The following FHIT variants were observed in gnomAD, a reference collection of about 807,000 sequenced individuals.
FHIT encodes bis(5'-adenosyl)-triphosphatase.
A neutral mutation model predicts 17.9 loss-of-function variants in FHIT; 19 were observed. The observed-to-expected ratio is 1.06, with a 90% CI of 0.74 to 1.56. The LOEUF is 1.56. Among genes scored for constraint, FHIT ranks in the 40% most tolerant of loss-of-function variants. FHIT has a pLI of 0.00. For missense variants in FHIT, 248 were observed against 189.2 expected (o/e 1.31, Z -1.82); for synonymous variants, 81 against 69.7 (o/e 1.16, Z -0.81).
At chr3:61,148,974 G>T (rs974510029) in intron 2 of FHIT, among the ~76,000 whole-genome samples, 3 of 152,190 alleles carry the variant, frequency 2.0e-5, no homozygotes, top group Non-Finnish European at 1.5e-5. Context: ...ACAATGGAAA[G>T]ATTCTCAAAG....
intron 4 of FHIT, among the ~76,000 whole-genome samples, chr3:60,675,966 A>G (rs1553695280): frequency 6.6e-6 from 1 of 152,220 alleles, no homozygotes; most frequent in Non-Finnish European, 1.5e-5. Flanking sequence ...GCAAAATACA[A>G]TGCCTGGCTA....
intron 5 of FHIT, among the ~76,000 whole-genome samples, chr3:60,509,476 T>G (rs1170931743): frequency 6.6e-6 from 1 of 152,222 alleles, no homozygotes; most frequent in African/African-American, 2.4e-5. Flanking sequence ...TTAGACTGAA[T>G]CCACATTCAT....
intron 5 of FHIT, among the ~76,000 whole-genome samples, chr3:60,164,132 C>T (rs553609885): frequency 6.6e-6 from 1 of 152,130 alleles, no homozygotes; most frequent in Non-Finnish European, 1.5e-5. Flanking sequence ...TAGTGGAAGA[C>T]TGCTGAAGCT....
intron 3 of FHIT, among the ~76,000 whole-genome samples, chr3:60,853,689 G>A (rs889875121): frequency 7.2e-5 from 11 of 152,082 alleles, no homozygotes; most frequent in African/African-American, 2.7e-4. Flanking sequence ...CTGACTTAAT[G>A]GCAGTTGTGA....
rs1245571252 is a variant in FHIT at position 61,225,341 on chromosome 3, T to A, written c.-212-24676A>T. The stretch of plus-strand genomic sequence containing the variant: ...GCCTCATAGAGAAAAATATATATAT[T>A]TTTTTGAAAGTTGGGAAGAAAAATG... On this transcript the variant is annotated intron_variant, in intron 1 of 9. Transcript: ENST00000492590. Among the ~76,000 whole-genome samples, 18 of 152,324 alleles carry A rather than the reference T, an allele frequency of 1.2e-4. No individual in the cohort carries two copies. In the South Asian group the frequency reaches 1.9e-3, roughly 16 times the overall value.
chr3:59,845,922 C>T (rs1264791085), intron 8 of FHIT, among the ~76,000 whole-genome samples: 1 of 152,134 alleles, frequency 6.6e-6, no homozygotes, highest in African/African-American at 2.4e-5. Flanking sequence ...TTTTGGTTTA[C>T]TATTTACATG....
At chr3:60,846,866 C>T (rs1383635653) in intron 3 of FHIT, among the ~76,000 whole-genome samples, 4 of 151,952 alleles carry the variant, frequency 2.6e-5, no homozygotes, top group African/African-American at 9.7e-5. Context: ...CTCTGTCGCC[C>T]AGCCTGGAGT....
At chr3:60,363,639 T>C (rs967455421) in intron 5 of FHIT, among the ~76,000 whole-genome samples, 3 of 152,058 alleles carry the variant, frequency 2.0e-5, no homozygotes, top group African/African-American at 7.2e-5. Flanking sequence ...ATTTTAATGG[T>C]GTCACTGTAA....
intron 3 of FHIT, among the ~76,000 whole-genome samples, chr3:60,867,274 GC>G: frequency 6.6e-6 from 1 of 152,246 alleles, no homozygotes; most frequent in East Asian, 1.9e-4. Context: ...TATGGGTAAT[GC>G]AAAAAATATA....
intron 5 of FHIT, among the ~76,000 whole-genome samples, chr3:60,442,968 C>G (rs2031024517): frequency 6.6e-6 from 1 of 152,082 alleles, no homozygotes; most frequent in African/African-American, 2.4e-5. Flanking sequence ...GTGTGTAGTT[C>G]TCCTTGAAGA....
chr3:60,711,800 G>T (rs1348616617), intron 4 of FHIT, among the ~76,000 whole-genome samples: 2 of 152,126 alleles, frequency 1.3e-5, no homozygotes, highest in East Asian at 1.9e-4. Flanking sequence ...TGCATGTTTG[G>T]TGTACCTGAA....
intron 5 of FHIT, among the ~76,000 whole-genome samples, chr3:60,441,366 T>G (rs2030783476): frequency 6.6e-6 from 1 of 152,058 alleles, no homozygotes; most frequent in Non-Finnish European, 1.5e-5. Flanking sequence ...TTGGAAGTTA[T>G]GTTCTCGGGA....
chr3:60,115,613 C>G (rs9831468), intron 5 of FHIT, among the ~76,000 whole-genome samples: 108,399 of 152,022 alleles, frequency 0.71, 38,839 homozygotes, highest in South Asian at 0.81. Flanking sequence ...CAGAGACCCA[C>G]ACAAAGATTA....
At chr3:60,088,921 G>A (rs1415345892) in intron 5 of FHIT, among the ~76,000 whole-genome samples, 4 of 152,120 alleles carry the variant, frequency 2.6e-5, no homozygotes, top group African/African-American at 9.7e-5. Flanking sequence ...ACCCAGACTT[G>A]GTTAGGAAAG....
intron 2 of FHIT, among the ~76,000 whole-genome samples, chr3:61,180,688 C>CA (rs1457147029): frequency 6.6e-6 from 1 of 152,150 alleles, no homozygotes; most frequent in Admixed American, 6.5e-5. Context: ...GATTCAGTCA[C>CA]AAAAAAGTAC....
At chr3:60,094,980 AG>A (rs544331632) in intron 5 of FHIT, among the ~76,000 whole-genome samples, 2 of 152,248 alleles carry the variant, frequency 1.3e-5, no homozygotes, top group Non-Finnish European at 2.9e-5. Flanking sequence ...GATCATGATC[AG>A]AAGCAGGGAA....
chr3:60,368,948 A>G (rs766086803), intron 5 of FHIT, among the ~76,000 whole-genome samples: 43 of 151,842 alleles, frequency 2.8e-4, no homozygotes, highest in African/African-American at 1.0e-3. Flanking sequence ...TCCATTCAGT[A>G]TATTTCAATC....
intron 5 of FHIT, among the ~76,000 whole-genome samples, chr3:60,237,988 T>C (rs1559752333): frequency 6.6e-6 from 1 of 150,788 alleles, no homozygotes; most frequent in Non-Finnish European, 1.5e-5. Flanking sequence ...ATAATAATAA[T>C]AAAAAAAATC....
At chr3:59,922,309 C>T (rs774559444) in intron 8 of FHIT, 37 bp downstream of exon 8, 5 of 1,521,104 alleles carry the variant, frequency 3.3e-6, no homozygotes, top group African/African-American at 2.7e-5. Flanking sequence ...CGACAGTCCC[C>T]GTGATCAAAC....
Sources: gnomAD v4.1 joint callset for allele counts (sites outside exome capture counted in the v4.1 genomes callset) on GRCh38, gnomAD v4.1.1 for gene constraint, MANE v1.5 for transcripts, NCBI Gene and HGNC (gene_info 2026-07-23, HGNC 2026-07-21) for gene names.